SLIT3: variants seen among roughly 807,000 people sequenced by gnomAD.
SLIT3 encodes the protein slit guidance ligand 3, also known as slit homolog 3 protein.
Under a neutral mutation model 184.0 loss-of-function variants are expected in SLIT3, and 68 were observed. The ratio of observed to expected loss-of-function variants is 0.37; its 90% CI spans 0.30 to 0.45. SLIT3 has a LOEUF of 0.45. SLIT3 is among the 20% of genes least tolerant of loss of function. The pLI is 1.00. For synonymous variants in SLIT3, 831 were observed against 828.6 expected (o/e 1.00, Z -0.05); for missense variants, 1,707 against 2,026.0 (o/e 0.84, Z 3.02).
At chr5:169,043,177 G>T (rs548776099) in intron 4 of SLIT3, among the ~76,000 whole-genome samples, 3 of 152,114 alleles carry the variant, frequency 2.0e-5, no homozygotes, top group East Asian at 3.9e-4. Context: ...AAAATGACTT[G>T]CCCGAGGTCA....
rs772002661 is a variant in SLIT3 at position 169,251,447 on chromosome 5, T to A, written c.210A>T (p.Arg70Ser). The A allele has an allele frequency of 2.5e-6, 4 of 1,612,840 alleles. No homozygotes were observed. Among genetic ancestry groups the A allele is most frequent in the Non-Finnish European group, 3.4e-6 (4 of 1,178,950 alleles). ...PRNAERLDLD[R>S]NNITRITKMD... is the part of the protein sequence containing the mutation. Reference sequence around the variant, plus strand: ...TCTTGGTGATCCTGGTGATATTATTTCTGTCCAGGTCACTGCAATGGAGAG... The same window carrying A: ...TCTTGGTGATCCTGGTGATATTATTACTGTCCAGGTCACTGCAATGGAGAG... The change falls in exon 2 of 36, where the codon AGA becomes AGT. Residue 70 changes from arginine (R) to serine (S), a missense_variant. Physicochemically the swap from Arg to Ser is moderately radical, Grantham distance 110. Transcript: ENST00000519560.
At chr5:168,738,117 AC>A (rs1473278852) in intron 20 of SLIT3, among the ~76,000 whole-genome samples, 1 of 152,176 alleles carries the variant, frequency 6.6e-6, no homozygotes. Flanking sequence ...TCATCCATAG[AC>A]CCCGGGGGTC....
In SLIT3 at chr5:168,925,227, G is replaced by A. The variant is rs545320962; in HGVS notation, c.414-41891C>T. ...GCTGACAAACTTGTTGAATGGGCTCGGGGAGCAGGTTCCAGTGAGCACCTC... is the reference window on the plus strand; with the variant it reads ...GCTGACAAACTTGTTGAATGGGCTCAGGGAGCAGGTTCCAGTGAGCACCTC... On this transcript the variant is annotated intron_variant, in intron 4 of 35. Transcript: ENST00000519560. Among the ~76,000 whole-genome samples, 7 of 152,216 alleles carry A rather than the reference G, an allele frequency of 4.6e-5. No individual in the cohort carries two copies. The East Asian group carries it at 1.4e-3, about 29-fold the overall frequency.
chr5:168,761,520 T>C (rs536060832), intron 15 of SLIT3, among the ~76,000 whole-genome samples: 2 of 152,226 alleles, frequency 1.3e-5, no homozygotes, highest in South Asian at 4.2e-4. Flanking sequence ...AGTTCCATGC[T>C]TGCATCATCT....
chr5:168,785,938 G>A lies in SLIT3; in HGVS notation c.1120C>T (p.Leu374=), dbSNP rs199804443. Reference sequence around the variant, plus strand: ...TGTAGGGACACCAGCCCATCAAACAGTCCCTTGACAATCTCGGTGATCTTG... The same window carrying A: ...TGTAGGGACACCAGCCCATCAAACAATCCCTTGACAATCTCGGTGATCTTG... The part of the protein sequence containing the change: ...GNKITEIVKG[L]FDGLVSLQLL... The change falls in exon 12 of 36, where the codon CTG becomes TTG. Residue 374 remains leucine (L), a synonymous_variant. Transcript: ENST00000519560. 2 of 1,612,834 alleles carry A rather than the reference G, an allele frequency of 1.2e-6. No homozygotes were observed. The highest frequency in any genetic ancestry group is 1.7e-6 in the Non-Finnish European group (2 of 1,179,098).
At chr5:168,679,874 A>T (rs1761528243) in intron 32 of SLIT3, among the ~76,000 whole-genome samples, 1 of 152,200 alleles carries the variant, frequency 6.6e-6, no homozygotes, top group Admixed American at 6.5e-5. Flanking sequence ...GAGGCTTCTC[A>T]TCCCTAAAAC....
intron 10 of SLIT3, among the ~76,000 whole-genome samples, chr5:168,793,805 G>C (rs894403105): frequency 9.9e-5 from 15 of 152,120 alleles, no homozygotes; most frequent in East Asian, 7.7e-4. Context: ...TGAATTGGGG[G>C]GGGGGATGCA....
intron 4 of SLIT3, among the ~76,000 whole-genome samples, chr5:169,185,453 C>T (rs1268188143): frequency 6.6e-6 from 1 of 152,178 alleles, no homozygotes; most frequent in Non-Finnish European, 1.5e-5. Flanking sequence ...GCCTCTGAAG[C>T]CCCACACCAG....
At chr5:168,894,186 G>C (rs548963203) in intron 4 of SLIT3, among the ~76,000 whole-genome samples, 5 of 152,276 alleles carry the variant, frequency 3.3e-5, no homozygotes, top group East Asian at 1.9e-4. Context: ...AGCTACCTGG[G>C]CACAGGAAAG....
At chr5:169,171,176 A>G (rs745535621) in intron 4 of SLIT3, among the ~76,000 whole-genome samples, 1 of 152,194 alleles carries the variant, frequency 6.6e-6, no homozygotes. Context: ...GAGGATTTGA[A>G]TCTTGAGGGT....
chr5:168,936,510 G>A (rs2113187731), intron 4 of SLIT3, among the ~76,000 whole-genome samples: 1 of 152,308 alleles, frequency 6.6e-6, no homozygotes, highest in African/African-American at 2.4e-5. Context: ...TGGGATTACA[G>A]GCGTGAGCCA....
rs146147421 is a variant in SLIT3, at chr5:168,914,446, C to T, written c.414-31110G>A. Among the ~76,000 whole-genome samples, 231 of 152,312 alleles carry T rather than the reference C, an allele frequency of 1.5e-3. 2 individuals carry two copies. The highest frequency in any genetic ancestry group is 5.2e-3 in the African/African-American group (216 of 41,564). Reference sequence around the variant, plus strand: ...CAATAGCAATAAGCTTTCTTCTACACACAGAAAATGCAGAGCATATGCTAA... The same window carrying T: ...CAATAGCAATAAGCTTTCTTCTACATACAGAAAATGCAGAGCATATGCTAA... On this transcript the variant is annotated intron_variant, in intron 4 of 35. Coordinates refer to ENST00000519560, the MANE Select transcript of SLIT3 (RefSeq NM_003062.4).
chr5:168,809,433 C>T (rs912057169), intron 8 of SLIT3, among the ~76,000 whole-genome samples: 7 of 152,194 alleles, frequency 4.6e-5, no homozygotes, highest in Non-Finnish European at 1.0e-4. Context: ...GCCAGGCATT[C>T]GCACATGGTG....
At chr5:168,848,116 C>T (rs1403266111) in intron 5 of SLIT3, among the ~76,000 whole-genome samples, 1 of 152,186 alleles carries the variant, frequency 6.6e-6, no homozygotes, top group South Asian at 2.1e-4. Flanking sequence ...CATAACTTAC[C>T]CCAGTGCCTA....
chr5:168,737,864 T>C (rs1763489269), intron 20 of SLIT3, among the ~76,000 whole-genome samples: 1 of 152,192 alleles, frequency 6.6e-6, no homozygotes, highest in Non-Finnish European at 1.5e-5. Flanking sequence ...GAGGTAAGCA[T>C]GAATTTAAAA....
In SLIT3 at chr5:169,300,747, G is replaced by C. The variant is rs776399904; in HGVS notation, c.-38C>G. 1.5e-4 allele frequency: 191 copies of C among 1,289,302 alleles called. No individual in the cohort carries two copies. The highest frequency in any genetic ancestry group is 1.8e-4 in the Non-Finnish European group (181 of 1,020,796). The allele number at this position is 1,289,302 out of a possible 1,614,324, so 79.9% of individuals were successfully genotyped here. ...CCCGCTCCTGGAGGAGGCTGCCTCT[G>C]CGGGGCAAGACGCGTGGAGCCCGAG... On this transcript the variant is annotated 5_prime_UTR_variant, in exon 1 of 36. Coordinates refer to ENST00000519560, the MANE Select transcript of SLIT3 (RefSeq NM_003062.4). The surrounding 1 kb of genome is among the most constrained non-coding windows in gnomAD (Gnocchi z 4.1).
intron 4 of SLIT3, among the ~76,000 whole-genome samples, chr5:169,174,339 C>G (rs1164670178): frequency 6.6e-6 from 1 of 152,226 alleles, no homozygotes; most frequent in Non-Finnish European, 1.5e-5. Flanking sequence ...AGACCACACA[C>G]AGCCCCTGCG....
intron 1 of SLIT3, among the ~76,000 whole-genome samples, chr5:169,251,872 T>G (rs962998488): frequency 2.6e-5 from 4 of 152,174 alleles, no homozygotes; most frequent in African/African-American, 9.7e-5. Flanking sequence ...CCTAAATGAC[T>G]CAAAATCCCA....
At chr5:168,979,374 G>T (rs1754874660) in intron 4 of SLIT3, among the ~76,000 whole-genome samples, 1 of 152,212 alleles carries the variant, frequency 6.6e-6, no homozygotes, top group Admixed American at 6.5e-5. Context: ...AAGAGGATCT[G>T]TTTCTCAGTA....
Sources: gnomAD v4.1 joint callset for allele counts (sites outside exome capture counted in the v4.1 genomes callset) on GRCh38, gnomAD v4.1.1 for gene constraint, Gnocchi (gnomAD v3.1) non-coding constraint, MANE v1.5 for transcripts, NCBI Gene and HGNC (gene_info 2026-07-23, HGNC 2026-07-21) for gene names.